SHBG: variants seen among roughly 807,000 people sequenced by gnomAD.
The protein encoded by SHBG is sex hormone-binding globulin.
In SHBG, 37 loss-of-function variants were observed where a neutral mutation model predicts 41.9. The observed-to-expected ratio is 0.88, with a 90% CI of 0.68 to 1.16. SHBG has a LOEUF of 1.16. Ranked by LOEUF, SHBG falls within the 50% of genes most tolerant of loss-of-function variation. The probability of loss-of-function intolerance (pLI) is 0.00; values close to 1 mark genes in which losing one functional copy is unlikely to be tolerated. For missense variants in SHBG, 466 were observed against 499.9 expected (o/e 0.93, Z 0.65); for synonymous variants, 217 against 205.8 (o/e 1.05, Z -0.47).
At chr17:7,625,975 G>T (rs148041790), upstream of SHBG, among the ~76,000 whole-genome samples, 1 of 150,954 alleles carries the variant, frequency 6.6e-6, no homozygotes, top group Non-Finnish European at 1.5e-5. Context: ...AGGCCGAGGC[G>T]GACGGATCAC....
chr17:7,631,541 G>A (rs561025067), intron 4 of SHBG, 48 bp from the exon 5 acceptor site: 10 of 1,608,784 alleles, frequency 6.2e-6, no homozygotes, highest in East Asian at 4.5e-5. Flanking sequence ...CTGCGGCTCC[G>A]ATGCCCTGAT....
chr17:7,633,138 G>T, intron 7 of SHBG, 66 bp from the exon 8 acceptor site: 2 of 1,584,180 alleles, frequency 1.3e-6, no homozygotes, highest in Non-Finnish European at 8.7e-7. Context: ...TGGAAAAGTG[G>T]GGAGAAGATT....
intron 1 of SHBG, chr17:7,614,518 G>A (rs766627522): frequency 6.7e-7 from 1 of 1,500,260 alleles, no homozygotes; most frequent in Non-Finnish European, 8.9e-7. Context: ...CCCCCCCAGA[G>A]GCCAGGCCGC....
chr17:7,624,372 C>T (rs995685337), upstream of SHBG, among the ~76,000 whole-genome samples: 1 of 151,966 alleles, frequency 6.6e-6, no homozygotes, highest in African/African-American at 2.4e-5. Flanking sequence ...CTCAACCTCC[C>T]AGGTAGCTGG....
At chr17:7,627,693 C>T (rs770887626), upstream of SHBG, 4 of 1,586,576 alleles carry the variant, frequency 2.5e-6, no homozygotes, top group Non-Finnish European at 3.5e-6. The surrounding 1 kb of genome is among the most constrained non-coding windows in gnomAD (Gnocchi z 4.8). Flanking sequence ...CAACTAGACC[C>T]CTTAAAGGGC....
At chr17:7,620,217 C>G (rs998694624) in intron 1 of SHBG, among the ~76,000 whole-genome samples, 1 of 152,132 alleles carries the variant, frequency 6.6e-6, no homozygotes, top group Non-Finnish European at 1.5e-5. Flanking sequence ...GTAATCCTCC[C>G]TCCTTTGGGA....
upstream of SHBG, among the ~76,000 whole-genome samples, chr17:7,629,365 A>G (rs1202202614): frequency 6.8e-6 from 1 of 146,078 alleles, no homozygotes; most frequent in Non-Finnish European, 1.5e-5. Flanking sequence ...GTGATAGAGC[A>G]AGACTCTGTC....
intron 4 of SHBG, 24 bp downstream of exon 4, chr17:7,631,385 C>G (rs780176496): frequency 6.2e-7 from 1 of 1,609,428 alleles, no homozygotes; most frequent in South Asian, 1.1e-5. Flanking sequence ...AGGGGTGGAA[C>G]CCTAGCCAAG....
chr17:7,619,711 CAAAAAAA>C (rs36022075), intron 1 of SHBG, among the ~76,000 whole-genome samples: 1 of 78,010 alleles, frequency 1.3e-5, no homozygotes, highest in African/African-American at 4.8e-5. Context: ...AACTTCGTCT[CAAAAAAA>C]AAAAAAAAAA....
At position 7,633,316 on chromosome 17, in the gene SHBG, C is replaced by T. The variant is rs369985828; in HGVS notation, c.1173C>T (p.Pro391=). Residue 391 remains proline (P), a synonymous_variant, in exon 8 of 8, where the codon CCC becomes CCT. Transcript: ENST00000380450. ...RSHEIWTHSC[P]QSPGNGTDAS... ...ATGAGATCTGGACTCACAGCTGCCC[C>T]CAGAGCCCAGGCAATGGCACTGACG... 6 of 1,614,188 alleles carry T rather than the reference C, an allele frequency of 3.7e-6. No individual in the cohort carries two copies. The South Asian group carries it at 4.4e-5, about 12-fold the overall frequency.
chr17:7,626,165 G>A (rs966197140), upstream of SHBG: 8 of 285,980 alleles, frequency 2.8e-5, no homozygotes, highest in Admixed American at 3.5e-4. Flanking sequence ...CTGCACTCCA[G>A]CGTGCGCGAC....
chr17:7,631,862 A>C lies in SHBG; in HGVS notation c.716-17A>C, dbSNP rs747362862. ...ACCCCAGCTTTGAGGCCTCAGGATA[A>C]TCATTTCTCCCCACAGACATTCCCC... On this transcript the variant is annotated splice_polypyrimidine_tract_variant and intron_variant, in intron 5 of 7. Coordinates refer to ENST00000380450, the MANE Select transcript of SHBG (RefSeq NM_001040.5). 1 of 1,613,916 alleles carries C rather than the reference A, an allele frequency of 6.2e-7. No individual in the cohort carries two copies.
upstream of SHBG, chr17:7,626,463 T>C: frequency 6.2e-7 from 1 of 1,614,018 alleles, no homozygotes; most frequent in Non-Finnish European, 8.5e-7. Context: ...TCCTGCCAAC[T>C]TTCTCGTTGC....
chr17:7,622,003 A>ATT (rs756865271), intron 1 of SHBG, among the ~76,000 whole-genome samples: 4 of 140,104 alleles, frequency 2.9e-5, no homozygotes, highest in Non-Finnish European at 6.3e-5. Context: ...TGCCCGGCTA[A>ATT]TTTTTTTTTT....
chr17:7,628,523 T>G (rs1424829382), upstream of SHBG, among the ~76,000 whole-genome samples: 1 of 152,000 alleles, frequency 6.6e-6, no homozygotes. Context: ...CTCGGCTCAC[T>G]GCAACCTCTC....
At chr17:7,615,251 G>A (rs1018015746) in intron 1 of SHBG, among the ~76,000 whole-genome samples, 1 of 152,144 alleles carries the variant, frequency 6.6e-6, no homozygotes, top group Admixed American at 6.5e-5. Context: ...TGGCCCCACC[G>A]GGCTTGGACA....
upstream of SHBG, among the ~76,000 whole-genome samples, chr17:7,623,345 G>A (rs1332411128): frequency 2.0e-5 from 3 of 152,138 alleles, no homozygotes; most frequent in African/African-American, 7.2e-5. Flanking sequence ...GAGTGAGATC[G>A]TGCCATTTCA....
intron 1 of SHBG, among the ~76,000 whole-genome samples, chr17:7,615,573 G>A (rs1168971830): frequency 6.6e-6 from 1 of 150,632 alleles, no homozygotes; most frequent in East Asian, 2.0e-4. Flanking sequence ...GGCCGAGGCA[G>A]GTGGATCACC....
upstream of SHBG, among the ~76,000 whole-genome samples, chr17:7,623,739 C>A (rs117642538): frequency 3.3e-5 from 5 of 152,070 alleles, no homozygotes; most frequent in Non-Finnish European, 5.9e-5. Context: ...GGATTATAGG[C>A]GTGAGCCACT....
Sources: allele counts gnomAD v4.1 joint callset (sites outside exome capture counted in the v4.1 genomes callset), GRCh38; gene constraint gnomAD v4.1.1; non-coding constraint Gnocchi (gnomAD v3.1); transcripts MANE v1.5; gene names NCBI Gene and HGNC (gene_info 2026-07-23, HGNC 2026-07-21).